The following CCDC91 variants were observed in gnomAD, a reference collection of about 807,000 sequenced individuals.
The protein encoded by CCDC91 is coiled-coil domain-containing protein 91.
Under a neutral mutation model 63.2 loss-of-function variants are expected in CCDC91, and 48 were observed. That is an observed-to-expected ratio of 0.76 (90% CI 0.60 to 0.97). The LOEUF is 0.97. Among genes scored for constraint, CCDC91 ranks in the 50% least tolerant of loss-of-function variants. CCDC91 has a pLI of 0.00. For synonymous variants in CCDC91, 167 were observed against 165.8 expected, an observed-to-expected ratio of 1.01 and a Z score of -0.06; for missense variants, 500 against 494.6, an observed-to-expected ratio of 1.01 and a Z score of -0.10.
intron 7 of CCDC91, among the ~76,000 whole-genome samples, chr12:28,366,766 G>A (rs919488548): frequency 2.0e-5 from 3 of 152,158 alleles, no homozygotes; most frequent in Admixed American, 2.0e-4. Context: ...TAGTAATGAG[G>A]CCACTCCTCT....
chr12:28,234,194 C>T (rs1384294710), intron 1 of CCDC91, among the ~76,000 whole-genome samples: 1 of 151,988 alleles, frequency 6.6e-6, no homozygotes, highest in Non-Finnish European at 1.5e-5. Context: ...TATGTACATG[C>T]TTTATAACAT....
At chr12:28,281,837 C>A (rs1347583263) in intron 3 of CCDC91, among the ~76,000 whole-genome samples, 1 of 152,040 alleles carries the variant, frequency 6.6e-6, no homozygotes, top group East Asian at 1.9e-4. Flanking sequence ...ACCATTGTTG[C>A]TGAAAGGACA....
At chr12:28,516,211 A>G (rs1939929029) in intron 12 of CCDC91, among the ~76,000 whole-genome samples, 1 of 151,988 alleles carries the variant, frequency 6.6e-6, no homozygotes, top group Admixed American at 6.6e-5. Context: ...ATGATTTTAA[A>G]AAAAATCAAT....
chr12:28,419,091 T>G (rs1225845313), intron 8 of CCDC91, among the ~76,000 whole-genome samples: 1 of 152,188 alleles, frequency 6.6e-6, no homozygotes, highest in East Asian at 1.9e-4. Context: ...TTACATATGT[T>G]TTATACCAAA....
At chr12:28,321,868 A>G (rs548212365) in intron 6 of CCDC91, among the ~76,000 whole-genome samples, 1 of 151,972 alleles carries the variant, frequency 6.6e-6, no homozygotes, top group South Asian at 2.1e-4. Flanking sequence ...AGTGTATTGT[A>G]TCATTATATA....
intron 6 of CCDC91, among the ~76,000 whole-genome samples, chr12:28,338,857 T>C (rs1942203769): frequency 6.6e-6 from 1 of 152,126 alleles, no homozygotes; most frequent in African/African-American, 2.4e-5. Flanking sequence ...TTTCTTTTTT[T>C]TGAGACGGAC....
intron 3 of CCDC91, among the ~76,000 whole-genome samples, chr12:28,289,685 C>CTTTTTTTTTTTTTTT (rs75555723): frequency 1.0e-5 from 1 of 98,540 alleles, no homozygotes; most frequent in African/African-American, 4.8e-5. Flanking sequence ...CTTTTCTTTT[C>CTTTTTTTTTTTTTTT]TTTTTTTTTT....
At chr12:28,291,988 A>G (rs1188548018) in intron 3 of CCDC91, among the ~76,000 whole-genome samples, 1 of 152,120 alleles carries the variant, frequency 6.6e-6, no homozygotes, top group East Asian at 1.9e-4. Flanking sequence ...AATGCACTGT[A>G]CGTTTATTAG....
At chr12:28,492,033 C>A (rs1952040471) in intron 12 of CCDC91, among the ~76,000 whole-genome samples, 1 of 151,444 alleles carries the variant, frequency 6.6e-6, no homozygotes, top group Non-Finnish European at 1.5e-5. Context: ...ACCACAATTG[C>A]CTTCACTGTT....
chr12:28,514,452 GT>G (rs556014961), intron 12 of CCDC91, among the ~76,000 whole-genome samples: 32 of 134,818 alleles, frequency 2.4e-4, no homozygotes, highest in African/African-American at 4.3e-4. Flanking sequence ...AACCTCTTTA[GT>G]TTTTTTTTTT....
At position 28,362,280 on chromosome 12, in the gene CCDC91, T is replaced by TTATATATATATATATATATATATA. The variant is rs71438746; in HGVS notation, c.577-143_577-142insATATATATATATATATATATATAT. On this transcript the variant is annotated intron_variant, in intron 6 of 12. Transcript: ENST00000536442. ...TTCTCCAATGCTTTTAAGCAAAGCT[T>TTATATATATATATATATATATATA]TATATATATATATATGTTTTCTCTT... Among the ~76,000 whole-genome samples, 970 of 131,526 alleles carry TTATATATATATATATATATATATA rather than the reference T, an allele frequency of 7.4e-3. 51 individuals carry two copies. Among genetic ancestry groups the TTATATATATATATATATATATATA allele is most frequent in the Non-Finnish European group, 0.013 (716 of 56,044 alleles). 86.3% of individuals were successfully genotyped at this position (131,526 alleles called of 152,430 possible).
At chr12:28,254,867 G>C (rs1308710290) in intron 1 of CCDC91, among the ~76,000 whole-genome samples, 1 of 151,006 alleles carries the variant, frequency 6.6e-6, no homozygotes, top group Non-Finnish European at 1.5e-5. Flanking sequence ...CACCTCTCAG[G>C]TTCAAGCGAT....
intron 11 of CCDC91, among the ~76,000 whole-genome samples, chr12:28,479,923 G>A (rs910763528): frequency 6.6e-6 from 1 of 151,992 alleles, no homozygotes; most frequent in Non-Finnish European, 1.5e-5. Context: ...TAAAGACTGT[G>A]TTTGTTGACT....
chr12:28,414,068 T>A lies in CCDC91; in HGVS notation c.762+22657T>A, dbSNP rs74503321. Among the ~76,000 whole-genome samples, 138 of 152,292 alleles carry A rather than the reference T, an allele frequency of 9.1e-4. No homozygotes were observed. The East Asian group carries it at 0.023, about 26-fold the overall frequency. ...AGGGAATCTCCTCATTCAGGAACAT[T>A]TCCAAGAAAGAAACTTATGTGTGTT... On this transcript the variant is annotated intron_variant, in intron 8 of 12. Transcript: ENST00000536442.
chr12:28,251,768 T>G (rs1349284246), intron 1 of CCDC91, among the ~76,000 whole-genome samples: 4 of 152,142 alleles, frequency 2.6e-5, no homozygotes, highest in Admixed American at 2.0e-4. Context: ...ATTTCATTTC[T>G]TGAATACATG....
intron 12 of CCDC91, among the ~76,000 whole-genome samples, chr12:28,489,695 C>A (rs1448349943): frequency 6.6e-6 from 1 of 151,754 alleles, no homozygotes. Context: ...GAGTAAGAAG[C>A]AATTTTCTTT....
intron 3 of CCDC91, among the ~76,000 whole-genome samples, chr12:28,292,833 T>G (rs879945693): frequency 6.6e-6 from 1 of 152,194 alleles, no homozygotes; most frequent in Non-Finnish European, 1.5e-5. Context: ...AGATGTACAC[T>G]TGGGCAAAGT....
chr12:28,358,282 A>G (rs747939602), intron 6 of CCDC91, among the ~76,000 whole-genome samples: 1 of 152,208 alleles, frequency 6.6e-6, no homozygotes, highest in Non-Finnish European at 1.5e-5. Context: ...GAACCTGTCA[A>G]GGAGCCTACT....
rs144906556 is a variant in CCDC91 at position 28,404,539 on chromosome 12, C to T, written c.762+13128C>T. Among the ~76,000 whole-genome samples the T allele has an allele frequency of 6.4e-4, 97 of 152,108 alleles. 1 individual carries two copies. Among genetic ancestry groups the T allele is most frequent in the Middle Eastern group, 6.8e-3 (2 of 292 alleles). Reference sequence around the variant, plus strand: ...ATCTTGGTGTTGTTGAGTTCAGCTACATCCTTTCTGATTTTTTGCCTGCTA... The same window carrying T: ...ATCTTGGTGTTGTTGAGTTCAGCTATATCCTTTCTGATTTTTTGCCTGCTA... On this transcript the variant is annotated intron_variant, in intron 8 of 12. Coordinates refer to ENST00000536442, the MANE Select transcript of CCDC91 (RefSeq NM_018318.5).
Sources: allele counts gnomAD v4.1 joint callset (sites outside exome capture counted in the v4.1 genomes callset), GRCh38; gene constraint gnomAD v4.1.1; transcripts MANE v1.5; gene names NCBI Gene and HGNC (gene_info 2026-07-23, HGNC 2026-07-21).